EXOC6B: variants seen among roughly 807,000 people sequenced by gnomAD.
The protein encoded by EXOC6B is SEC15 homolog B.
A neutral mutation model predicts 113.5 loss-of-function variants in EXOC6B; 54 were observed. The observed-to-expected ratio is 0.48, with a 90% CI of 0.38 to 0.60. EXOC6B has a LOEUF of 0.60. EXOC6B is among the 20% of genes least tolerant of loss of function. The pLI is 0.00. For synonymous variants in EXOC6B, 357 were observed against 339.0 expected (o/e 1.05, Z -0.58); for missense variants, 797 against 977.5 (o/e 0.82, Z 2.46).
intron 6 of EXOC6B, among the ~76,000 whole-genome samples, chr2:72,582,995 A>G (rs1160547393): frequency 2.0e-5 from 3 of 152,214 alleles, no homozygotes; most frequent in Non-Finnish European, 4.4e-5. Context: ...AAAGATAAAT[A>G]CATTAAAAGA....
intron 8 of EXOC6B, among the ~76,000 whole-genome samples, chr2:72,554,492 G>T (rs933429146): frequency 6.6e-6 from 1 of 152,162 alleles, no homozygotes; most frequent in Non-Finnish European, 1.5e-5. Context: ...CACAAGATCT[G>T]ATGGTTTTAA....
chr2:72,670,100 C>T (rs1021520448), intron 6 of EXOC6B, among the ~76,000 whole-genome samples: 6 of 152,158 alleles, frequency 3.9e-5, no homozygotes, highest in African/African-American at 1.4e-4. Context: ...CTGCTTATGG[C>T]ATTTAAACTG....
At chr2:72,686,780 C>T (rs1216023157) in intron 6 of EXOC6B, among the ~76,000 whole-genome samples, 1 of 152,108 alleles carries the variant, frequency 6.6e-6, no homozygotes, top group African/African-American at 2.4e-5. Flanking sequence ...CACCAACATT[C>T]CAAATGATAT....
intron 19 of EXOC6B, among the ~76,000 whole-genome samples, chr2:72,345,284 C>T (rs758572062): frequency 6.6e-6 from 1 of 152,116 alleles, no homozygotes; most frequent in Non-Finnish European, 1.5e-5. Flanking sequence ...CTTCCTATTT[C>T]TCCTAGACAT....
At chr2:72,735,399 C>A (rs184440786) in intron 2 of EXOC6B, among the ~76,000 whole-genome samples, 1 of 152,098 alleles carries the variant, frequency 6.6e-6, no homozygotes, top group Non-Finnish European at 1.5e-5. Flanking sequence ...CTATTCAATT[C>A]GATTATATTT....
intron 18 of EXOC6B, among the ~76,000 whole-genome samples, chr2:72,426,290 C>G (rs1372811788): frequency 1.3e-4 from 20 of 152,196 alleles, no homozygotes; most frequent in Admixed American, 1.2e-3. Context: ...ATATCTTGAT[C>G]TCTTAAATCT....
In EXOC6B at chr2:72,484,267, C is replaced by T. The variant is rs1699286716; in HGVS notation, c.1666-3517G>A. On this transcript the variant is annotated intron_variant, in intron 16 of 21. Transcript: ENST00000272427. ...CCTATTGACCCGTACTCTTAAAGATCCGTCCCCTCAGCTGGGCGCGGTGGC... is the reference window on the plus strand; with the variant it reads ...CCTATTGACCCGTACTCTTAAAGATTCGTCCCCTCAGCTGGGCGCGGTGGC... Among the ~76,000 whole-genome samples, 7 of 151,592 alleles carry T rather than the reference C, an allele frequency of 4.6e-5. No homozygotes were observed. In the South Asian group the frequency reaches 1.5e-3, roughly 32 times the overall value.
chr2:72,244,948 A>G (rs1007436664), intron 20 of EXOC6B, among the ~76,000 whole-genome samples: 34 of 152,212 alleles, frequency 2.2e-4, no homozygotes, highest in African/African-American at 7.2e-4. Context: ...ACAGATTTAT[A>G]TGAGGAAAAC....
intron 6 of EXOC6B, among the ~76,000 whole-genome samples, chr2:72,641,801 C>T (rs1192818402): frequency 2.6e-5 from 4 of 152,214 alleles, no homozygotes; most frequent in Admixed American, 2.6e-4. Flanking sequence ...CTGGGAGACA[C>T]CTCCCAGTAG....
intron 12 of EXOC6B, among the ~76,000 whole-genome samples, chr2:72,499,525 C>T (rs900397060): frequency 4.0e-5 from 6 of 149,142 alleles, no homozygotes; most frequent in African/African-American, 1.5e-4. Context: ...GGTACTGCAC[C>T]CAGTCAGATT....
At chr2:72,332,398 A>C (rs1425399026) in intron 20 of EXOC6B, among the ~76,000 whole-genome samples, 1 of 152,104 alleles carries the variant, frequency 6.6e-6, no homozygotes, top group Non-Finnish European at 1.5e-5. Context: ...TGTAAGGACT[A>C]GATGAGAAAT....
chr2:72,554,628 T>A (rs1212493569), intron 8 of EXOC6B, among the ~76,000 whole-genome samples: 1 of 152,224 alleles, frequency 6.6e-6, no homozygotes, highest in Non-Finnish European at 1.5e-5. Context: ...ATGCTTCCTG[T>A]TAGGCCTGCA....
intron 1 of EXOC6B, among the ~76,000 whole-genome samples, chr2:72,792,369 G>A (rs1684721966): frequency 6.6e-6 from 1 of 152,052 alleles, no homozygotes; most frequent in Admixed American, 6.6e-5. Context: ...TCTAGTTTTG[G>A]GGTTATTTTG....
chr2:72,412,594 G>C (rs1160422776), intron 18 of EXOC6B, among the ~76,000 whole-genome samples: 2 of 152,172 alleles, frequency 1.3e-5, no homozygotes, highest in Admixed American at 6.5e-5. Flanking sequence ...AGACACTTTT[G>C]CCAAAAAGTT....
chr2:72,408,231 G>A (rs1693918747), intron 18 of EXOC6B, among the ~76,000 whole-genome samples: 1 of 152,164 alleles, frequency 6.6e-6, no homozygotes. Flanking sequence ...CAAACAAATG[G>A]AAGAACATTC....
intron 6 of EXOC6B, among the ~76,000 whole-genome samples, chr2:72,701,996 G>A (rs1486995619): frequency 6.7e-6 from 1 of 149,716 alleles, no homozygotes; most frequent in Non-Finnish European, 1.5e-5. Context: ...ATGTATACAT[G>A]TGCCATGCTG....
chr2:72,473,880 T>C (rs933391164), intron 17 of EXOC6B, among the ~76,000 whole-genome samples: 2 of 152,160 alleles, frequency 1.3e-5, no homozygotes, highest in African/African-American at 4.8e-5. Flanking sequence ...GTTTTCATGA[T>C]AGCAAATGTC....
chr2:72,640,852 A>G (rs916273419), intron 6 of EXOC6B, among the ~76,000 whole-genome samples: 1 of 152,250 alleles, frequency 6.6e-6, no homozygotes, highest in East Asian at 1.9e-4. Context: ...CTTTAAACCA[A>G]CAAAGATCAA....
rs1018064393 is a variant in EXOC6B, at chr2:72,277,856, T to A, written c.2196+57091A>T. On this transcript the variant is annotated intron_variant, in intron 20 of 21. Coordinates refer to ENST00000272427, the MANE Select transcript of EXOC6B (RefSeq NM_015189.3). ...AAATTAATTATACCCCATTTTTTTT[T>A]ATATAAAATTATCATCTCCATTCTG... is the stretch of plus-strand genomic sequence containing the variant. Among the ~76,000 whole-genome samples the A allele has an allele frequency of 6.6e-3, 992 of 150,278 alleles. 9 individuals carry two copies. Among genetic ancestry groups the A allele is most frequent in the African/African-American group, 0.023 (932 of 40,250 alleles).
Sources: allele counts gnomAD v4.1 joint callset (sites outside exome capture counted in the v4.1 genomes callset), GRCh38; gene constraint gnomAD v4.1.1; transcripts MANE v1.5; gene names NCBI Gene and HGNC (gene_info 2026-07-23, HGNC 2026-07-21).